The following ERI1 variants were observed in gnomAD, a reference collection of about 807,000 sequenced individuals.
ERI1 encodes the protein 3'-5' exoribonuclease 1.
In ERI1, 39 loss-of-function variants were observed where a neutral mutation model predicts 39.7. The ratio of observed to expected loss-of-function variants is 0.98; its 90% CI spans 0.76 to 1.28. The LOEUF (loss-of-function observed/expected upper bound fraction) is 1.28. Ranked by LOEUF, ERI1 falls within the 50% of genes most tolerant of loss-of-function variation. The pLI, the probability that ERI1 is intolerant of heterozygous loss-of-function variation, is 0.00. For synonymous variants in ERI1, 204 were observed against 149.6 expected, an observed-to-expected ratio of 1.36 and a Z score of -2.65; for missense variants, 581 against 416.9, an observed-to-expected ratio of 1.39 and a Z score of -3.43.
intron 3 of ERI1, among the ~76,000 whole-genome samples, chr8:9,068,172 A>T (rs1456036946): frequency 6.6e-6 from 1 of 152,182 alleles, no homozygotes; most frequent in African/African-American, 2.4e-5. Flanking sequence ...TTTTTCAGAT[A>T]TATCTAAAAT....
chr8:9,012,918 A>C (rs4841083), intron 3 of ERI1, among the ~76,000 whole-genome samples: 2 of 136,912 alleles, frequency 1.5e-5, no homozygotes, highest in South Asian at 4.2e-4. Context: ...ATAACCTTCA[A>C]TAAAGTTTAA....
chr8:9,036,398 G>A (rs1331710996), downstream of ERI1, among the ~76,000 whole-genome samples: 2 of 152,152 alleles, frequency 1.3e-5, no homozygotes, highest in African/African-American at 4.8e-5. Context: ...AACGTTTGAG[G>A]CAAGATCCTA....
At chr8:9,062,212 A>C (rs1165468892) in intron 3 of ERI1, among the ~76,000 whole-genome samples, 1 of 152,068 alleles carries the variant, frequency 6.6e-6, no homozygotes, top group Non-Finnish European at 1.5e-5. Flanking sequence ...AGGGTGATTA[A>C]GTTTTAATGA....
At chr8:9,080,890 T>G (rs1290425995) in intron 3 of ERI1, among the ~76,000 whole-genome samples, 9 of 152,242 alleles carry the variant, frequency 5.9e-5, no homozygotes, top group Non-Finnish European at 2.9e-5. Flanking sequence ...AATGCTATAC[T>G]GAAATGTTCA....
chr8:9,059,917 T>G (rs1304351026), intron 3 of ERI1, among the ~76,000 whole-genome samples: 1 of 152,154 alleles, frequency 6.6e-6, no homozygotes, highest in Non-Finnish European at 1.5e-5. Flanking sequence ...GTCTGGTGTC[T>G]GGAATGAGAC....
intron 3 of ERI1, among the ~76,000 whole-genome samples, chr8:9,085,692 A>G (rs1799502734): frequency 6.6e-6 from 1 of 151,908 alleles, no homozygotes; most frequent in Non-Finnish European, 1.5e-5. Context: ...CAGGGCCCCT[A>G]ATTTAGATTC....
chr8:9,045,044 T>C (rs968749363), intron 3 of ERI1, among the ~76,000 whole-genome samples: 1 of 151,928 alleles, frequency 6.6e-6, no homozygotes, highest in African/African-American at 2.4e-5. Context: ...GAGACCATCC[T>C]GGCTAACACG....
intron 6 of ERI1, among the ~76,000 whole-genome samples, chr8:9,026,884 T>C (rs775967226): frequency 1.3e-5 from 2 of 152,202 alleles, no homozygotes; most frequent in East Asian, 1.9e-4. Flanking sequence ...CATTGATTGT[T>C]TGATGGACAT....
At chr8:9,015,397 G>T (rs779645256) in intron 3 of ERI1, among the ~76,000 whole-genome samples, 1 of 152,038 alleles carries the variant, frequency 6.6e-6, no homozygotes, top group African/African-American at 2.4e-5. Context: ...AGTGTGTTCT[G>T]GTTAGGGAGG....
Position 9,032,134 on chromosome 8 carries a change from T to TA in ERI1, c.*2101dup, listed in dbSNP as rs1317000251. The TA allele has an allele frequency of 6.6e-6, 1 of 152,240 alleles. No individual in the cohort carries two copies. The highest frequency in any genetic ancestry group is 2.4e-5 in the African/African-American group (1 of 41,450). 9.4% of individuals were successfully genotyped at this position (152,240 alleles called of 1,614,324 possible). On this transcript the variant is annotated 3_prime_UTR_variant, in exon 7 of 7. Coordinates refer to ENST00000250263, the MANE Select transcript of ERI1 (RefSeq NM_153332.4). ...ATTTGGGATTTTGCTGATGAGATGATACTAAACATTGAGAGTACTGCTTTT... is the reference window on the plus strand; with the variant it reads ...ATTTGGGATTTTGCTGATGAGATGATAACTAAACATTGAGAGTACTGCTTTT...
Position 9,045,103 on chromosome 8 carries a change from G to T in ERI1, n.299+24639G>T, listed in dbSNP as rs10096643. ...TACAAAAAATTAGCTGGGCGTAGTG[G>T]CGGGCACCTGTAGTCCCAGCTACTC... On this transcript the variant is annotated intron_variant and non_coding_transcript_variant, in intron 3 of 3. Coordinates refer to the ERI1 transcript ENST00000518663. Among the ~76,000 whole-genome samples, 342 of 151,968 alleles carry T rather than the reference G, an allele frequency of 2.3e-3. 1 individual carries two copies. Among genetic ancestry groups the T allele is most frequent in the African/African-American group, 7.9e-3 (327 of 41,448 alleles).
At chr8:9,064,196 C>G (rs1231519912) in intron 3 of ERI1, among the ~76,000 whole-genome samples, 3 of 149,886 alleles carry the variant, frequency 2.0e-5, no homozygotes, top group Non-Finnish European at 4.4e-5. Context: ...GTTCTTGCCC[C>G]CTAGAGAAGC....
chr8:9,048,096 G>A (rs1206607383), intron 3 of ERI1, among the ~76,000 whole-genome samples: 1 of 152,118 alleles, frequency 6.6e-6, no homozygotes, highest in African/African-American at 2.4e-5. Flanking sequence ...CTCTGGGAAG[G>A]GCCACAACCA....
intron 3 of ERI1, among the ~76,000 whole-genome samples, chr8:9,065,994 C>T (rs534843004): frequency 8.9e-4 from 135 of 152,152 alleles, no homozygotes; most frequent in African/African-American, 2.9e-3. Context: ...AGGTCACGGC[C>T]GCCTTTTTTT....
At chr8:9,038,342 G>T (rs1027952017) in intron 3 of ERI1, among the ~76,000 whole-genome samples, 1 of 152,178 alleles carries the variant, frequency 6.6e-6, no homozygotes, top group Non-Finnish European at 1.5e-5. Flanking sequence ...TTGAGAGAGG[G>T]AGACACCACA....
intron 3 of ERI1, chr8:9,099,773 C>A (rs1299991256): frequency 6.6e-6 from 1 of 152,080 alleles, no homozygotes; most frequent in African/African-American, 2.4e-5. Context: ...GGGGTTGTTT[C>A]TACTTTTTGG....
chr8:9,063,990 G>C (rs1183882364), intron 3 of ERI1, among the ~76,000 whole-genome samples: 1 of 152,032 alleles, frequency 6.6e-6, no homozygotes, highest in Non-Finnish European at 1.5e-5. Context: ...ACGGAGGGAA[G>C]GGGTTCAGGG....
At chr8:9,008,325 C>T (rs1044233641) in intron 2 of ERI1, among the ~76,000 whole-genome samples, 177 bp downstream of exon 2, 6 of 152,104 alleles carry the variant, frequency 3.9e-5, no homozygotes, top group African/African-American at 9.7e-5. Flanking sequence ...TTTTGTCTGT[C>T]TTCTAGATGA....
chr8:9,051,173 A>T (rs1211783492), intron 3 of ERI1, among the ~76,000 whole-genome samples: 2 of 150,616 alleles, frequency 1.3e-5, no homozygotes, highest in Admixed American at 1.3e-4. Context: ...TGTATATATG[A>T]ATATATATAT....
Sources: allele counts gnomAD v4.1 joint callset (sites outside exome capture counted in the v4.1 genomes callset), GRCh38; gene constraint gnomAD v4.1.1; transcripts MANE v1.5; gene names NCBI Gene and HGNC (gene_info 2026-07-23, HGNC 2026-07-21).